CASR: variants seen among roughly 807,000 people sequenced by gnomAD.
The protein encoded by CASR is extracellular calcium-sensing receptor.
In CASR, 23 loss-of-function variants were observed where a neutral mutation model predicts 69.1. The observed-to-expected ratio is 0.33, with a 90% CI of 0.24 to 0.47. The LOEUF (loss-of-function observed/expected upper bound fraction) is 0.47. CASR is among the 20% of genes least tolerant of loss of function. CASR has a pLI of 1.00. For missense variants in CASR, 924 were observed against 1,356.1 expected (o/e 0.68, Z 5.00); for synonymous variants, 541 against 544.7 (o/e 0.99, Z 0.10).
chr3:122,225,532 G>A, intron 1 of CASR, among the ~76,000 whole-genome samples: 1 of 136,916 alleles, frequency 7.3e-6, no homozygotes, highest in African/African-American at 2.7e-5. Context: ...ACACCAATCA[G>A]AATGGCTATT....
intron 1 of CASR, among the ~76,000 whole-genome samples, chr3:122,205,294 G>T (rs1461454070): frequency 6.6e-6 from 1 of 151,930 alleles, no homozygotes; most frequent in Non-Finnish European, 1.5e-5. Flanking sequence ...CTGCATATGG[G>T]AAGTTACCAG....
Position 122,227,550 on chromosome 3 carries a change from C to T in CASR, c.-242-26398C>T, listed in dbSNP as rs140309272. 6.8e-3 allele frequency among the ~76,000 whole-genome samples: 1,034 copies of T among 152,296 alleles called. 7 individuals carry two copies. The highest frequency in any genetic ancestry group is 0.01 in the Non-Finnish European group (692 of 68,024). On this transcript the variant is annotated intron_variant, in intron 1 of 6. Transcript: ENST00000639785. ...CGTGTGCAGCCCTGGTTCCCACCCA[C>T]GCCTCTCCCTCCACACCTCCCTGCG...
chr3:122,199,899 G>T (rs1425616030), intron 1 of CASR, among the ~76,000 whole-genome samples: 2 of 151,718 alleles, frequency 1.3e-5, no homozygotes, highest in East Asian at 1.9e-4. Context: ...TTGTTTTTTT[G>T]TTTGTTTGTT....
chr3:122,211,663 G>A (rs185466489), intron 1 of CASR, among the ~76,000 whole-genome samples: 3 of 152,164 alleles, frequency 2.0e-5, no homozygotes, highest in Admixed American at 6.5e-5. Flanking sequence ...AGCCTAGATC[G>A]TGCCACTGCC....
chr3:122,246,015 A>G (rs1472891544), intron 1 of CASR, among the ~76,000 whole-genome samples: 2 of 152,220 alleles, frequency 1.3e-5, no homozygotes, highest in African/African-American at 4.8e-5. Context: ...TAAACCTCAC[A>G]TAGTTTTACA....
At chr3:122,202,726 C>T (rs1159348965) in intron 1 of CASR, among the ~76,000 whole-genome samples, 2 of 151,878 alleles carry the variant, frequency 1.3e-5, no homozygotes, top group African/African-American at 4.8e-5. Flanking sequence ...TGCTAAGAAA[C>T]CTTTCTTAAG....
chr3:122,246,636 G>T (rs188705862), intron 1 of CASR: 2 of 152,204 alleles, frequency 1.3e-5, no homozygotes, highest in African/African-American at 4.8e-5. Flanking sequence ...CTTGAGAGCC[G>T]ATGGTTAAAT....
chr3:122,269,700 A>C (rs2074736027), intron 4 of CASR, among the ~76,000 whole-genome samples: 1 of 152,142 alleles, frequency 6.6e-6, no homozygotes, highest in Non-Finnish European at 1.5e-5. Context: ...TGTCTGGGTA[A>C]TGATGACCTC....
At chr3:122,275,201 T>G (rs1232319581) in intron 4 of CASR, among the ~76,000 whole-genome samples, 1 of 152,220 alleles carries the variant, frequency 6.6e-6, no homozygotes, top group African/African-American at 2.4e-5. Flanking sequence ...TATGATGACT[T>G]TTTTGTGCAA....
At chr3:122,225,867 T>C (rs1366091309) in intron 1 of CASR, among the ~76,000 whole-genome samples, 1 of 152,220 alleles carries the variant, frequency 6.6e-6, no homozygotes, top group Non-Finnish European at 1.5e-5. Context: ...ATGTGGTACA[T>C]ATATGCTACA....
At chr3:122,271,434 C>G (rs1006410442) in intron 4 of CASR, among the ~76,000 whole-genome samples, 4 of 152,198 alleles carry the variant, frequency 2.6e-5, no homozygotes, top group African/African-American at 7.2e-5. Flanking sequence ...CCTGCCACAT[C>G]CGAAGTTGGA....
At chr3:122,268,702 C>T (rs1339090051) in intron 4 of CASR, among the ~76,000 whole-genome samples, 2 of 152,138 alleles carry the variant, frequency 1.3e-5, no homozygotes, top group African/African-American at 4.8e-5. Context: ...AGTGGTCCCT[C>T]AATAAATACT....
At chr3:122,267,481 C>T (rs1039104100) in intron 4 of CASR, among the ~76,000 whole-genome samples, 5 of 152,010 alleles carry the variant, frequency 3.3e-5, no homozygotes, top group East Asian at 1.9e-4. Context: ...TTTGTGGATA[C>T]GGAGAAGGAT....
rs1288156014 is a variant in CASR, at chr3:122,257,225, C to T, written c.330C>T (p.Ala110=). 1.2e-6 allele frequency: 2 copies of T among 1,614,206 alleles called. No homozygotes were observed. The highest frequency in any genetic ancestry group is 2.2e-5 in the South Asian group (2 of 91,090). The change falls in exon 3 of 7, where the codon GCC becomes GCT. Residue 110 remains alanine, a synonymous_variant. Transcript: ENST00000639785. ...ACACCGTTTCTAAGGCCTTGGAAGCCACCCTGAGTTTTGTTGCTCAAAACA... is the reference window on the plus strand; with the variant it reads ...ACACCGTTTCTAAGGCCTTGGAAGCTACCCTGAGTTTTGTTGCTCAAAACA... ...TCNTVSKALE[A]TLSFVAQNKI...
chr3:122,263,143 A>AT (rs1050490164), intron 4 of CASR, among the ~76,000 whole-genome samples: 1 of 152,036 alleles, frequency 6.6e-6, no homozygotes, highest in Non-Finnish European at 1.5e-5. Flanking sequence ...TATGTGCCTT[A>AT]TTTTTTTCAA....
intron 1 of CASR, among the ~76,000 whole-genome samples, chr3:122,238,443 T>C (rs1047222477): frequency 6.6e-6 from 1 of 152,190 alleles, no homozygotes; most frequent in Non-Finnish European, 1.5e-5. Context: ...CACCACGTGT[T>C]AAAGTGCTCT....
Position 122,284,636 on chromosome 3 carries a change from C to G in CASR, c.2682C>G (p.Val894=). Residue 894 remains valine, a synonymous_variant, in exon 7 of 7, where the codon GTC becomes GTG. Coordinates refer to ENST00000639785, the MANE Select transcript of CASR (RefSeq NM_000388.4). ...GGGCCACGCTGCGCCGCAGCAACGT[C>G]TCCCGCAAGCGGTCCAGCAGCCTTG... The part of the protein sequence containing the change: ...AARATLRRSN[V]SRKRSSSLGG... 1 of 1,614,034 alleles carries G rather than the reference C, an allele frequency of 6.2e-7. No individual in the cohort carries two copies. Among genetic ancestry groups the G allele is most frequent in the South Asian group, 1.1e-5 (1 of 91,066 alleles).
In CASR at chr3:122,201,118, C is replaced by T. The variant is rs1029426796; in HGVS notation, c.-243+17306C>T. On this transcript the variant is annotated intron_variant, in intron 1 of 6. Coordinates refer to ENST00000639785, the MANE Select transcript of CASR (RefSeq NM_000388.4). ...GCAGATAAACAAGTGAACAAAGGTC[C>T]CTGGTTTTCCCAGGCAGAGGACCCT... Among the ~76,000 whole-genome samples, 6 of 151,418 alleles carry T rather than the reference C, an allele frequency of 4.0e-5. No individual in the cohort carries two copies. The East Asian group carries it at 7.7e-4, about 20-fold the overall frequency.
At chr3:122,198,857 G>T (rs940414775) in intron 1 of CASR, among the ~76,000 whole-genome samples, 1 of 151,454 alleles carries the variant, frequency 6.6e-6, no homozygotes, top group African/African-American at 2.4e-5. Flanking sequence ...ATATATATGG[G>T]GGATAAAGAA....
Sources: gnomAD v4.1 joint callset for allele counts (sites outside exome capture counted in the v4.1 genomes callset) on GRCh38, gnomAD v4.1.1 for gene constraint, MANE v1.5 for transcripts, NCBI Gene and HGNC (gene_info 2026-07-23, HGNC 2026-07-21) for gene names.